The following LRRC58 variants were observed in gnomAD, a reference collection of about 807,000 sequenced individuals.
LRRC58 encodes the protein leucine rich repeat containing 58.
Under a neutral mutation model 30.6 loss-of-function variants are expected in LRRC58, and 18 were observed. The observed-to-expected ratio is 0.59, with a 90% CI of 0.41 to 0.87. The LOEUF is 0.87. LRRC58 is among the 40% of genes least tolerant of loss of function. The pLI is 0.00. For missense variants in LRRC58, 420 were observed against 468.4 expected (o/e 0.90, Z 0.95); for synonymous variants, 221 against 206.0 (o/e 1.07, Z -0.62).
In LRRC58 at chr3:120,348,784, G is replaced by C. The variant is rs748624560; in HGVS notation, c.460C>G (p.Gln154Glu). The C allele has an allele frequency of 1.1e-5, 17 of 1,605,468 alleles. No individual in the cohort carries two copies. The highest frequency in any genetic ancestry group is 1.4e-5 in the Non-Finnish European group (16 of 1,176,794). Reference sequence around the variant, plus strand: ...ATCTCAGCCGGGATGCTCTGCAGTTGGTTGCCGCCCAGGCTCAGGGTCTGC... The same window carrying C: ...ATCTCAGCCGGGATGCTCTGCAGTTCGTTGCCGCCCAGGCTCAGGGTCTGC... Reference protein sequence around the residue: ...ALQTLSLGGNQLQSIPAEIEN... With the variant: ...ALQTLSLGGNELQSIPAEIEN... The change falls in exon 1 of 4, where the codon CAA becomes GAA. Residue 154 changes from glutamine to glutamate, a missense_variant. Gln to Glu is a conservative substitution (Grantham distance 29). This residue lies in a region of LRRC58 where 266 missense variants were observed against 251.7 expected (regional missense o/e 1.06). Coordinates refer to ENST00000295628, the MANE Select transcript of LRRC58 (RefSeq NM_001099678.2).
chr3:120,334,588 G>A (rs1354560163), intron 3 of LRRC58, among the ~76,000 whole-genome samples: 1 of 152,102 alleles, frequency 6.6e-6, no homozygotes, highest in African/African-American at 2.4e-5. Context: ...AATTAGAACT[G>A]TTTATACTTC....
intron 1 of LRRC58, among the ~76,000 whole-genome samples, chr3:120,345,730 G>C (rs548824090): frequency 6.6e-6 from 1 of 152,290 alleles, no homozygotes; most frequent in East Asian, 1.9e-4. Flanking sequence ...TTTATATGTG[G>C]AGCATAGCCT....
intron 1 of LRRC58, among the ~76,000 whole-genome samples, chr3:120,346,039 G>A (rs974028748): frequency 6.6e-6 from 1 of 152,154 alleles, no homozygotes; most frequent in African/African-American, 2.4e-5. Flanking sequence ...GATCACTTGA[G>A]GTCAGAAGTT....
intron 1 of LRRC58, 137 bp from the exon 2 acceptor site, chr3:120,336,090 C>G (rs1414240399): frequency 8.0e-6 from 5 of 626,894 alleles, no homozygotes. Flanking sequence ...GCTATCCAGT[C>G]TCTAGAGAAA....
At chr3:120,336,753 G>T (rs1935839959) in intron 1 of LRRC58, among the ~76,000 whole-genome samples, 1 of 151,066 alleles carries the variant, frequency 6.6e-6, no homozygotes. Flanking sequence ...AAAAAAGAGA[G>T]TACTCTTTGA....
Position 120,348,798 on chromosome 3 carries a change from C to A in LRRC58, c.446G>T (p.Ser149Ile). ...GCTCTGCAGTTGGTTGCCGCCCAGG[C>A]TCAGGGTCTGCAGCGCGCGCAGCTC... The part of the protein sequence containing the change: ...LLELRALQTL[S>I]LGGNQLQSIP... The change falls in exon 1 of 4, where the codon AGC becomes ATC. Residue 149 changes from serine to isoleucine, a missense_variant. Physicochemically the swap from Ser to Ile is moderately radical, Grantham distance 142. Around this residue, in one of 2 missense-constraint regions of LRRC58, gnomAD observed 266 missense variants for 251.7 expected, o/e 1.06. Transcript: ENST00000295628. 2.5e-6 allele frequency: 4 copies of A among 1,607,072 alleles called. No individual in the cohort carries two copies. Among genetic ancestry groups the A allele is most frequent in the African/African-American group, 1.3e-5 (1 of 74,628 alleles).
At chr3:120,331,669 C>T (rs977207214) in intron 3 of LRRC58, among the ~76,000 whole-genome samples, 3 of 152,274 alleles carry the variant, frequency 2.0e-5, no homozygotes, top group Admixed American at 2.0e-4. Context: ...AGCTTCTTTT[C>T]TCTGGGAGAC....
rs560305367 is a variant in LRRC58 at position 120,338,845 on chromosome 3, T to C, written c.501-2892A>G. Among the ~76,000 whole-genome samples, 17 of 152,310 alleles carry C rather than the reference T, an allele frequency of 1.1e-4. No individual in the cohort carries two copies. In the South Asian group the frequency reaches 2.7e-3, roughly 24 times the overall value. ...TAGTCATTTAACTTGACTTACTCTT[T>C]AGAAGGATCACTTTGGCTATTGAGT... On this transcript the variant is annotated intron_variant, in intron 1 of 3. Coordinates refer to ENST00000295628, the MANE Select transcript of LRRC58 (RefSeq NM_001099678.2).
At chr3:120,345,945 T>G (rs999795390) in intron 1 of LRRC58, among the ~76,000 whole-genome samples, 1 of 152,130 alleles carries the variant, frequency 6.6e-6, no homozygotes, top group Non-Finnish European at 1.5e-5. Flanking sequence ...TGATCACAAA[T>G]CCAACAGTAC....
At chr3:120,335,461 G>A (rs967123613) in intron 2 of LRRC58, among the ~76,000 whole-genome samples, 2 of 152,170 alleles carry the variant, frequency 1.3e-5, no homozygotes, top group Non-Finnish European at 2.9e-5. Context: ...CTAAAAAAAG[G>A]AAAGATTTCA....
Position 120,325,275 on chromosome 3 carries a change from C to A in LRRC58, c.*5925G>T, listed in dbSNP as rs1326151268. The A allele has an allele frequency of 6.6e-6, 1 of 151,542 alleles. No homozygotes were observed. Among genetic ancestry groups the A allele is most frequent in the Admixed American group, 6.6e-5 (1 of 15,206 alleles). The allele number at this position is 151,542 out of a possible 1,614,324, so 9.4% of individuals were successfully genotyped here. ...ATTTAGTCATGTTTTTGCAATACTG[C>A]AACAGCAATGTCAATCTTATCCCCG... On this transcript the variant is annotated 3_prime_UTR_variant, in exon 4 of 4. Coordinates refer to ENST00000295628, the MANE Select transcript of LRRC58 (RefSeq NM_001099678.2).
At chr3:120,335,165 A>G in intron 2 of LRRC58, 26 bp from the exon 3 acceptor site, 1 of 1,592,254 alleles carries the variant, frequency 6.3e-7, no homozygotes, top group African/African-American at 1.3e-5. Flanking sequence ...TAGAAAAATC[A>G]ATGGCAGTAA....
Position 120,328,633 on chromosome 3 carries a change from A to G in LRRC58, c.*2567T>C, listed in dbSNP as rs777129224. On this transcript the variant is annotated 3_prime_UTR_variant, in exon 4 of 4. Coordinates refer to ENST00000295628, the MANE Select transcript of LRRC58 (RefSeq NM_001099678.2). ...ACTTATTTTAAATGCATAGTTAGCT[A>G]CATGACTTGGGAGCTGATTATCTGG... The G allele has an allele frequency of 6.6e-6, 1 of 152,250 alleles. No homozygotes were observed. Among genetic ancestry groups the G allele is most frequent in the Non-Finnish European group, 1.5e-5 (1 of 68,044 alleles). The allele number at this position is 152,250 out of a possible 1,614,324, so 9.4% of individuals were successfully genotyped here.
At chr3:120,347,851 C>T (rs6764372) in intron 1 of LRRC58, among the ~76,000 whole-genome samples, 9,122 of 152,222 alleles carry the variant, frequency 0.06, 747 homozygotes, top group African/African-American at 0.19. Flanking sequence ...TTCCCACTCC[C>T]CCACCGGGCA....
rs1935731290 is a variant in LRRC58 at position 120,329,914 on chromosome 3, G to C, written c.*1286C>G. ...AATAAAAATTTGGTAATTTCTAATA[G>C]CAATTAATTTGTGAAACTATTTTCC... On this transcript the variant is annotated 3_prime_UTR_variant, in exon 4 of 4. Coordinates refer to ENST00000295628, the MANE Select transcript of LRRC58 (RefSeq NM_001099678.2). The C allele has an allele frequency of 6.6e-6, 1 of 151,784 alleles. No individual in the cohort carries two copies. The highest frequency in any genetic ancestry group is 1.5e-5 in the Non-Finnish European group (1 of 67,874). The allele number at this position is 151,784 out of a possible 1,614,324, so 9.4% of individuals were successfully genotyped here. A position where few individuals can be genotyped will look rare whatever the true frequency, so the allele number is the denominator to read the frequency against.
rs796116731 is a variant in LRRC58, at chr3:120,347,379, C to CTTTTTTTTTTTTTTTTTTTTTTTTT, written c.500+1364_500+1365insAAAAAAAAAAAAAAAAAAAAAAAAA. Among the ~76,000 whole-genome samples, 61 of 54,848 alleles carry CTTTTTTTTTTTTTTTTTTTTTTTTT rather than the reference C, an allele frequency of 1.1e-3. 12 individuals carry two copies. Among genetic ancestry groups the CTTTTTTTTTTTTTTTTTTTTTTTTT allele is most frequent in the Middle Eastern group, 0.015 (1 of 68 alleles). The allele number at this position is 54,848 out of a possible 152,430, so 36.0% of individuals were successfully genotyped here. A position where few individuals can be genotyped will look rare whatever the true frequency, so the allele number is the denominator to read the frequency against. On this transcript the variant is annotated intron_variant, in intron 1 of 3. Transcript: ENST00000295628. Reference sequence around the variant, plus strand: ...AGTTCTTTTTTCCCAGGCCAATATTCTTTTTTTTTTTTTTTTTTTTTTTGA... The same window carrying CTTTTTTTTTTTTTTTTTTTTTTTTT: ...AGTTCTTTTTTCCCAGGCCAATATTCTTTTTTTTTTTTTTTTTTTTTTTTTTTTTTTTTTTTTTTTTTTTTTTTGA...
rs541563524 is a variant in LRRC58, at chr3:120,346,128, G to A, written c.500+2616C>T. Among the ~76,000 whole-genome samples, 7 of 152,240 alleles carry A rather than the reference G, an allele frequency of 4.6e-5. No homozygotes were observed. The Middle Eastern group carries it at 0.01, about 222-fold the overall frequency. On this transcript the variant is annotated intron_variant, in intron 1 of 3. Coordinates refer to ENST00000295628, the MANE Select transcript of LRRC58 (RefSeq NM_001099678.2). ...CAAAAATTAGCTGGCGTGATGGCAC[G>A]CTCCTGTGGTCGCAGATACTTGGGA...
At chr3:120,331,495 T>A (rs1935757064) in intron 3 of LRRC58, 87 bp from the exon 4 acceptor site, 1 of 935,230 alleles carries the variant, frequency 1.1e-6, no homozygotes, top group Admixed American at 2.0e-5. Context: ...TCTGGAGAAA[T>A]GTCATACACC....
At position 120,328,324 on chromosome 3, in the gene LRRC58, C is replaced by T. The variant is rs1282171359; in HGVS notation, c.*2876G>A. The T allele has an allele frequency of 6.6e-6, 1 of 152,112 alleles. No individual in the cohort carries two copies. Among genetic ancestry groups the T allele is most frequent in the Non-Finnish European group, 1.5e-5 (1 of 68,016 alleles). 9.4% of individuals were successfully genotyped at this position (152,112 alleles called of 1,614,324 possible). On this transcript the variant is annotated 3_prime_UTR_variant, in exon 4 of 4. Coordinates refer to ENST00000295628, the MANE Select transcript of LRRC58 (RefSeq NM_001099678.2). Reference sequence around the variant, plus strand: ...ATTTCACCAATTCAGTTTGGTGATGCTGAGAGAATTGATTCTAGGGATAAA... The same window carrying T: ...ATTTCACCAATTCAGTTTGGTGATGTTGAGAGAATTGATTCTAGGGATAAA...
Sources: allele counts gnomAD v4.1 joint callset (sites outside exome capture counted in the v4.1 genomes callset), GRCh38; gene constraint gnomAD v4.1.1; regional missense constraint gnomAD v4.1.1; transcripts MANE v1.5; gene names NCBI Gene and HGNC (gene_info 2026-07-23, HGNC 2026-07-21).